ATP10B: variants seen among roughly 807,000 people sequenced by gnomAD.
The protein encoded by ATP10B is ATPase phospholipid transporting 10B (putative), also known as phospholipid-transporting ATPase VB.
A neutral mutation model predicts 141.2 loss-of-function variants in ATP10B; 122 were observed. That is an observed-to-expected ratio of 0.86 (90% CI 0.75 to 1.00). The LOEUF (loss-of-function observed/expected upper bound fraction) is 1.00. ATP10B is among the 50% of genes least tolerant of loss of function. The probability of loss-of-function intolerance (pLI) is 0.00; values close to 1 mark genes in which losing one functional copy is unlikely to be tolerated. For missense variants in ATP10B, 1,876 were observed against 1,825.3 expected (o/e 1.03, Z -0.51); for synonymous variants, 685 against 692.0 (o/e 0.99, Z 0.16).
chr5:160,629,474 T>A (rs1758794071), intron 13 of ATP10B, among the ~76,000 whole-genome samples: 1 of 152,114 alleles, frequency 6.6e-6, no homozygotes, highest in Admixed American at 6.5e-5. Flanking sequence ...CTTAGAATTA[T>A]CAGAAATTAA....
intron 22 of ATP10B, among the ~76,000 whole-genome samples, chr5:160,597,062 G>A (rs1486730828): frequency 6.6e-6 from 1 of 151,978 alleles, no homozygotes; most frequent in Non-Finnish European, 1.5e-5. Context: ...TTCATATGGA[G>A]CCAAAAAAGA....
chr5:160,873,208 T>C, the ATP10B span, among the ~76,000 whole-genome samples: 1 of 152,128 alleles, frequency 6.6e-6, no homozygotes, highest in East Asian at 1.9e-4. Context: ...ATATGAATTT[T>C]AGAATTGTTT....
At chr5:160,640,415 A>T in intron 10 of ATP10B, 46 bp downstream of exon 10, 1 of 1,589,682 alleles carries the variant, frequency 6.3e-7, no homozygotes. Context: ...AACTTGCCCA[A>T]ATAAATCGAT....
chr5:160,576,327 T>C (rs1755183470), intron 24 of ATP10B, among the ~76,000 whole-genome samples: 2 of 152,140 alleles, frequency 1.3e-5, no homozygotes, highest in African/African-American at 4.8e-5. Context: ...GAAAAGGACT[T>C]AAAGGATAAA....
intron 1 of ATP10B, among the ~76,000 whole-genome samples, chr5:160,845,430 G>A (rs1355456747): frequency 6.6e-6 from 1 of 152,112 alleles, no homozygotes; most frequent in Non-Finnish European, 1.5e-5. Flanking sequence ...AGAGGGTGGT[G>A]ACTGGGAAGA....
intron 9 of ATP10B, among the ~76,000 whole-genome samples, chr5:160,643,169 A>G (rs1396930737): frequency 6.6e-6 from 1 of 152,214 alleles, no homozygotes; most frequent in African/African-American, 2.4e-5. Context: ...TCGTGACATT[A>G]TGTTTAAAAA....
rs146427610 is a variant in ATP10B at position 160,811,841 on chromosome 5, G to C, written c.-575-26038C>G. Among the ~76,000 whole-genome samples the C allele has an allele frequency of 1.8e-3, 273 of 152,226 alleles. 1 individual carries two copies. The highest frequency in any genetic ancestry group is 3.0e-3 in the Non-Finnish European group (202 of 68,014). On this transcript the variant is annotated intron_variant, in intron 1 of 25. Transcript: ENST00000327245. ...GCTGATTTTAGAGCTCCAGGGCCTTGAGCGCACATAGGCAGTAGCCAGGTA... is the reference window on the plus strand; with the variant it reads ...GCTGATTTTAGAGCTCCAGGGCCTTCAGCGCACATAGGCAGTAGCCAGGTA...
At chr5:160,804,959 A>C (rs566289246) in intron 1 of ATP10B, among the ~76,000 whole-genome samples, 1 of 152,324 alleles carries the variant, frequency 6.6e-6, no homozygotes, top group Non-Finnish European at 1.5e-5. Flanking sequence ...TGTACCAAAA[A>C]ATGGCCTTCC....
At position 160,563,880 on chromosome 5, in the gene ATP10B, G is replaced by A. The variant is rs1029598350; in HGVS notation, c.*1573C>T. 1 of 152,186 alleles carries A rather than the reference G, an allele frequency of 6.6e-6. No homozygotes were observed. Among genetic ancestry groups the A allele is most frequent in the Non-Finnish European group, 1.5e-5 (1 of 68,042 alleles). 9.4% of individuals were successfully genotyped at this position (152,186 alleles called of 1,614,324 possible). On this transcript the variant is annotated 3_prime_UTR_variant, in exon 26 of 26. Coordinates refer to ENST00000327245, the MANE Select transcript of ATP10B (RefSeq NM_025153.3). Reference sequence around the variant, plus strand: ...CCCTTATTGGGCAATCCTCATGCAGGATTCCTCCAAATACCCACCAGCTGG... The same window carrying A: ...CCCTTATTGGGCAATCCTCATGCAGAATTCCTCCAAATACCCACCAGCTGG...
chr5:160,667,028 C>A (rs1762360331), intron 7 of ATP10B, among the ~76,000 whole-genome samples: 1 of 151,978 alleles, frequency 6.6e-6, no homozygotes, highest in Admixed American at 6.6e-5. Flanking sequence ...ACCATCCTGG[C>A]TAACACGGTG....
At chr5:160,641,014 G>A (rs1173504205) in intron 9 of ATP10B, among the ~76,000 whole-genome samples, 1 of 152,040 alleles carries the variant, frequency 6.6e-6, no homozygotes, top group East Asian at 1.9e-4. Context: ...GCTAGCAGTG[G>A]GATACAATGG....
chr5:160,883,839 T>C, the ATP10B span, among the ~76,000 whole-genome samples: 1 of 151,630 alleles, frequency 6.6e-6, no homozygotes, highest in Non-Finnish European at 1.5e-5. Flanking sequence ...GTTTGAGTCA[T>C]TATGGCTGCT....
At chr5:160,879,792 G>A in the ATP10B span, among the ~76,000 whole-genome samples, 2 of 151,992 alleles carry the variant, frequency 1.3e-5, no homozygotes, top group African/African-American at 4.8e-5. Context: ...GAGCCGAGAT[G>A]GCGCCACTGC....
At chr5:160,759,502 ATTTT>A (rs983631880) in intron 2 of ATP10B, among the ~76,000 whole-genome samples, 1 of 152,066 alleles carries the variant, frequency 6.6e-6, no homozygotes, top group East Asian at 1.9e-4. Flanking sequence ...TAAATGAACA[ATTTT>A]TTTTAAGATT....
At chr5:160,858,414 TTGTC>T in the ATP10B span, among the ~76,000 whole-genome samples, 16 of 151,948 alleles carry the variant, frequency 1.1e-4, no homozygotes, top group Non-Finnish European at 7.4e-5. Flanking sequence ...AAAATCTACT[TTGTC>T]TATCTTTTTT....
rs375352710 is a variant in ATP10B, at chr5:160,778,948, A to G, written c.-331+6611T>C. Among the ~76,000 whole-genome samples, 5 of 152,256 alleles carry G rather than the reference A, an allele frequency of 3.3e-5. No individual in the cohort carries two copies. In the South Asian group the frequency reaches 1.0e-3, roughly 32 times the overall value. On this transcript the variant is annotated intron_variant, in intron 2 of 25. Coordinates refer to ENST00000327245, the MANE Select transcript of ATP10B (RefSeq NM_025153.3). ...CTAGTTCATCACTTGCAAAAATGGG[A>G]TAATAGTAGTAGGCGTCTTAAGAGT... is the stretch of plus-strand genomic sequence containing the variant.
At chr5:160,850,743 T>C (rs1196104738) in intron 1 of ATP10B, among the ~76,000 whole-genome samples, 2 of 152,152 alleles carry the variant, frequency 1.3e-5, no homozygotes, top group South Asian at 2.1e-4. Flanking sequence ...AGCCTATTAA[T>C]CCACCCATAT....
chr5:160,715,199 C>A (rs971213751), intron 3 of ATP10B, among the ~76,000 whole-genome samples: 1 of 142,592 alleles, frequency 7.0e-6, no homozygotes, highest in Non-Finnish European at 1.5e-5. Flanking sequence ...CAATGGCGGG[C>A]GCCCCTCCCC....
the ATP10B span, among the ~76,000 whole-genome samples, chr5:160,929,093 G>C: frequency 6.6e-6 from 1 of 152,206 alleles, no homozygotes; most frequent in African/African-American, 2.4e-5. Context: ...CCAGGACCCA[G>C]AGTACTGAGG....
Sources: gnomAD v4.1 joint callset for allele counts (sites outside exome capture counted in the v4.1 genomes callset) on GRCh38, gnomAD v4.1.1 for gene constraint, MANE v1.5 for transcripts, NCBI Gene and HGNC (gene_info 2026-07-23, HGNC 2026-07-21) for gene names.